The following CSMD1 variants were observed in gnomAD, a reference collection of about 807,000 sequenced individuals.
CSMD1 encodes the protein CUB and Sushi multiple domains 1.
In CSMD1, 213 loss-of-function variants were observed where a neutral mutation model predicts 417.5. The ratio of observed to expected loss-of-function variants is 0.51; its 90% CI spans 0.46 to 0.57. The LOEUF (loss-of-function observed/expected upper bound fraction) is 0.57. CSMD1 is among the 20% of genes least tolerant of loss of function. The pLI, the probability that CSMD1 is intolerant of heterozygous loss-of-function variation, is 0.00. For synonymous variants in CSMD1, 2,862 were observed against 1,736.8 expected (o/e 1.65, Z -16.11); for missense variants, 6,923 against 4,529.7 (o/e 1.53, Z -15.17).
intron 2 of CSMD1, among the ~76,000 whole-genome samples, chr8:4,541,304 A>G (rs977771952): frequency 2.6e-5 from 4 of 151,838 alleles, no homozygotes; most frequent in Non-Finnish European, 5.9e-5. Flanking sequence ...GATCATAACT[A>G]CCCCCATGCA....
intron 3 of CSMD1, among the ~76,000 whole-genome samples, chr8:4,329,568 G>A (rs1799752422): frequency 6.6e-6 from 1 of 152,136 alleles, no homozygotes; most frequent in Admixed American, 6.6e-5. Flanking sequence ...GATTAAAGGT[G>A]TGAGCCACCG....
chr8:3,595,079 G>A (rs992524547), intron 8 of CSMD1, among the ~76,000 whole-genome samples: 2 of 152,150 alleles, frequency 1.3e-5, no homozygotes, highest in South Asian at 2.1e-4. Context: ...TAAAATAAAT[G>A]CTTTAGGTAT....
chr8:3,671,914 C>G (rs1231731091), intron 7 of CSMD1, among the ~76,000 whole-genome samples: 1 of 152,034 alleles, frequency 6.6e-6, no homozygotes, highest in African/African-American at 2.4e-5. Context: ...TGTCCTGTGT[C>G]GTTAGCCTGC....
chr8:4,617,463 C>A (rs964026289), intron 2 of CSMD1, among the ~76,000 whole-genome samples: 4 of 152,046 alleles, frequency 2.6e-5, no homozygotes, highest in Admixed American at 2.0e-4. Flanking sequence ...AAATGCCTTG[C>A]CAGAAACAGA....
chr8:4,073,022 A>G (rs1233494797), intron 3 of CSMD1, among the ~76,000 whole-genome samples: 3 of 152,166 alleles, frequency 2.0e-5, no homozygotes, highest in Non-Finnish European at 4.4e-5. Flanking sequence ...GACCAACCCA[A>G]TTATCACCTA....
At chr8:4,420,274 C>T (rs1797172839) in intron 2 of CSMD1, among the ~76,000 whole-genome samples, 1 of 152,008 alleles carries the variant, frequency 6.6e-6, no homozygotes, top group Non-Finnish European at 1.5e-5. Flanking sequence ...ATTTAAATAA[C>T]TTGAGAGAAT....
intron 3 of CSMD1, among the ~76,000 whole-genome samples, chr8:4,106,202 G>C (rs80302460): frequency 1.4e-3 from 219 of 152,320 alleles, no homozygotes; most frequent in Non-Finnish European, 2.3e-3. Flanking sequence ...AGATCTATGA[G>C]AGGAATCCAG....
intron 2 of CSMD1, among the ~76,000 whole-genome samples, chr8:4,587,257 T>C (rs1214647369): frequency 6.6e-6 from 1 of 152,082 alleles, no homozygotes; most frequent in Non-Finnish European, 1.5e-5. Context: ...CTGAAATGAG[T>C]ACTGGGAACT....
rs144062588 is a variant in CSMD1 at position 3,940,361 on chromosome 8, G to A, written c.818+57542C>T. Among the ~76,000 whole-genome samples, 1,502 of 152,012 alleles carry A rather than the reference G, an allele frequency of 9.9e-3. 22 individuals carry two copies. Among genetic ancestry groups the A allele is most frequent in the African/African-American group, 0.034 (1,393 of 41,494 alleles). On this transcript the variant is annotated intron_variant, in intron 5 of 69. Transcript: ENST00000635120. ...TTCAGTATGTTAGCAATGGTGGGGG[G>A]AAAACAGTATGTTATTTTGAAAATT...
At chr8:3,543,239 T>C (rs1206100369) in intron 10 of CSMD1, among the ~76,000 whole-genome samples, 1 of 152,188 alleles carries the variant, frequency 6.6e-6, no homozygotes, top group Non-Finnish European at 1.5e-5. Flanking sequence ...AAGCCCAGGA[T>C]GTGACGTAGA....
chr8:4,529,124 A>G (rs1796667985), intron 2 of CSMD1, among the ~76,000 whole-genome samples: 1 of 152,160 alleles, frequency 6.6e-6, no homozygotes, highest in South Asian at 2.1e-4. Context: ...AAGCCACCAA[A>G]CAGTGATTCT....
At chr8:3,683,008 G>C (rs1799746908) in intron 7 of CSMD1, among the ~76,000 whole-genome samples, 1 of 152,030 alleles carries the variant, frequency 6.6e-6, no homozygotes, top group Non-Finnish European at 1.5e-5. Context: ...AGAACACATG[G>C]ACACAGGAAG....
At chr8:4,050,090 C>A (rs1358037863) in intron 3 of CSMD1, among the ~76,000 whole-genome samples, 2 of 152,068 alleles carry the variant, frequency 1.3e-5, no homozygotes, top group African/African-American at 2.4e-5. Flanking sequence ...CACAGTGCAC[C>A]AGGTTGTGGG....
At chr8:4,735,706 CTTT>C in intron 1 of CSMD1, among the ~76,000 whole-genome samples, 1 of 152,148 alleles carries the variant, frequency 6.6e-6, no homozygotes, top group Non-Finnish European at 1.5e-5. Context: ...CATCTTCTTG[CTTT>C]TATCTCCCTA....
intron 10 of CSMD1, among the ~76,000 whole-genome samples, chr8:3,534,208 C>T (rs997234457): frequency 6.6e-6 from 1 of 152,140 alleles, no homozygotes; most frequent in African/African-American, 2.4e-5. Context: ...CCTGCAATGC[C>T]ACGCCCTTTG....
chr8:3,996,199 C>G lies in CSMD1; in HGVS notation c.818+1704G>C, dbSNP rs146761007. On this transcript the variant is annotated intron_variant, in intron 5 of 69. Transcript: ENST00000635120. ...GCCTCACTTGCTTCTACCTCTCTCC[C>G]AACCTGACATCTTACTAGCAAGGTG... Among the ~76,000 whole-genome samples, 204 of 152,288 alleles carry G rather than the reference C, an allele frequency of 1.3e-3. 1 individual carries two copies. Among genetic ancestry groups the G allele is most frequent in the African/African-American group, 4.7e-3 (195 of 41,572 alleles).
At chr8:3,922,806 T>C (rs180883214) in intron 5 of CSMD1, among the ~76,000 whole-genome samples, 8 of 152,318 alleles carry the variant, frequency 5.3e-5, no homozygotes, top group Admixed American at 4.6e-4. Context: ...TTTTAATTGA[T>C]GAATATAAAA....
intron 23 of CSMD1, among the ~76,000 whole-genome samples, chr8:3,314,444 C>T (rs933837358): frequency 6.6e-6 from 1 of 152,046 alleles, no homozygotes; most frequent in Non-Finnish European, 1.5e-5. Flanking sequence ...CACTAGTCTG[C>T]AATTATTCAG....
intron 1 of CSMD1, among the ~76,000 whole-genome samples, chr8:4,790,122 A>G (rs977711964): frequency 5.9e-5 from 9 of 152,186 alleles, no homozygotes; most frequent in African/African-American, 1.9e-4. Context: ...GTGATATCCA[A>G]TATTCAGTTC....
Sources: allele counts gnomAD v4.1 joint callset (sites outside exome capture counted in the v4.1 genomes callset), GRCh38; gene constraint gnomAD v4.1.1; transcripts MANE v1.5; gene names NCBI Gene and HGNC (gene_info 2026-07-23, HGNC 2026-07-21).